PTPRS: variants seen among roughly 807,000 people sequenced by gnomAD.
PTPRS encodes receptor-type tyrosine-protein phosphatase S.
Under a neutral mutation model 215.3 loss-of-function variants are expected in PTPRS, and 63 were observed. The ratio of observed to expected loss-of-function variants is 0.29; its 90% CI spans 0.24 to 0.36. The LOEUF (loss-of-function observed/expected upper bound fraction) is 0.36, where lower values mean the gene tolerates loss of function less well. Among genes scored for constraint, PTPRS ranks in the 10% least tolerant of loss-of-function variants. The pLI, the probability that PTPRS is intolerant of heterozygous loss-of-function variation, is 1.00. For synonymous variants in PTPRS, 1,404 were observed against 1,191.4 expected (o/e 1.18, Z -3.68); for missense variants, 2,258 against 2,825.8 (o/e 0.80, Z 4.56).
rs192315510 is a variant in PTPRS at position 5,205,922 on chromosome 19, C to G, written c.*852G>C. ...GGTCCGAGCTCCCCCATGACCTTAC[C>G]CTCAGAACTGTATTTGATATGTCTG... On this transcript the variant is annotated 3_prime_UTR_variant, in exon 38 of 38. Transcript: ENST00000262963. Among the ~76,000 whole-genome samples, 35 of 151,862 alleles carry G rather than the reference C, an allele frequency of 2.3e-4. 1 individual carries two copies. Among genetic ancestry groups the G allele is most frequent in the Admixed American group, 4.6e-4 (7 of 15,268 alleles).
chr19:5,322,999 A>G (rs1047085244), intron 1 of PTPRS, among the ~76,000 whole-genome samples: 9 of 151,974 alleles, frequency 5.9e-5, no homozygotes, highest in African/African-American at 2.2e-4. Flanking sequence ...GTATGCCTGG[A>G]GCCCTACTGT....
At position 5,237,875 on chromosome 19, in the gene PTPRS, G is replaced by A. The variant is rs1405143931; in HGVS notation, c.1849+1044C>T. 2.0e-5 allele frequency among the ~76,000 whole-genome samples: 3 copies of A among 152,110 alleles called. No homozygotes were observed. Among genetic ancestry groups the A allele is most frequent in the African/African-American group, 4.8e-5 (2 of 41,438 alleles). ...GCGGGGGCAGGGGGGTTGTGTCTCC[G>A]AGGCGCCCCACCCCCCCGATCCCAG... On this transcript the variant is annotated intron_variant, in intron 13 of 37. Coordinates refer to ENST00000262963, the MANE Select transcript of PTPRS (RefSeq NM_002850.4). The surrounding 1 kb of genome is among the most constrained non-coding windows in gnomAD (Gnocchi z 4.2).
chr19:5,303,856 C>T (rs1008492155), intron 1 of PTPRS, among the ~76,000 whole-genome samples: 11 of 147,756 alleles, frequency 7.4e-5, no homozygotes, highest in African/African-American at 2.8e-4. Flanking sequence ...GAGGCTGAGA[C>T]AGGAGAATCG....
intron 1 of PTPRS, among the ~76,000 whole-genome samples, chr19:5,313,633 C>T (rs910205918): frequency 6.6e-6 from 1 of 152,148 alleles, no homozygotes; most frequent in African/African-American, 2.4e-5. Context: ...TCACGACCAT[C>T]AAGGGCAGGC....
chr19:5,221,173 G>A lies in PTPRS; in HGVS notation c.3282C>T (p.Phe1094=), dbSNP rs899943848. ...KLITHLKPHT[F]YNFVLTNRGS... is the part of the protein sequence containing the mutation. ...CGCGATTGGTCAGCACAAAGTTGTA[G>A]AAGGTGTGGGGCTTGAGGTGCGTGA... is the stretch of plus-strand genomic sequence containing the variant. Residue 1094 remains phenylalanine (F), a synonymous_variant, in exon 20 of 38, where the codon TTC becomes TTT. Transcript: ENST00000262963. 1 of 1,613,956 alleles carries A rather than the reference G, an allele frequency of 6.2e-7. No homozygotes were observed. The highest frequency in any genetic ancestry group is 1.3e-5 in the African/African-American group (1 of 74,896).
intron 6 of PTPRS, among the ~76,000 whole-genome samples, chr19:5,261,619 A>G (rs1056398934): frequency 6.6e-6 from 1 of 152,158 alleles, no homozygotes; most frequent in African/African-American, 2.4e-5. Context: ...CAAGACCTCG[A>G]TCTGCCAGGA....
chr19:5,228,347 G>GAAAAA lies in PTPRS; in HGVS notation c.2376+964_2376+968dup, dbSNP rs71170899. Among the ~76,000 whole-genome samples, 7 of 105,876 alleles carry GAAAAA rather than the reference G, an allele frequency of 6.6e-5. 1 individual carries two copies. The highest frequency in any genetic ancestry group is 9.1e-5 in the Admixed American group (1 of 11,022). 69.5% of individuals were successfully genotyped at this position (105,876 alleles called of 152,430 possible). On this transcript the variant is annotated intron_variant, in intron 16 of 37. Transcript: ENST00000262963. ...GCGATAGTGTGAGACTCCGTCTGGA[G>GAAAAA]AAAAAAAAAAAAAAAAGAGACAGGG...
rs936605918 is a variant in PTPRS, at chr19:5,287,145, T to A, written c.-94-911A>T. ...GGAGGTACAGCCAGGCCAGCCAAGC[T>A]CAGTCCCACCTCCAAGCCTTTGCTT... is the stretch of plus-strand genomic sequence containing the variant. On this transcript the variant is annotated intron_variant, in intron 1 of 37. Coordinates refer to ENST00000262963, the MANE Select transcript of PTPRS (RefSeq NM_002850.4). This position sits in a 1 kb window ranked among gnomAD's most constrained non-coding sequence, Gnocchi z 4.8. Among the ~76,000 whole-genome samples the A allele has an allele frequency of 6.6e-6, 1 of 152,024 alleles. No individual in the cohort carries two copies. Among genetic ancestry groups the A allele is most frequent in the Non-Finnish European group, 1.5e-5 (1 of 67,994 alleles).
chr19:5,285,942 G>T, intron 2 of PTPRS, 108 bp downstream of exon 2: 1 of 1,020,838 alleles, frequency 9.8e-7, no homozygotes, highest in Non-Finnish European at 1.4e-6. Flanking sequence ...TTGGCAAAAT[G>T]GAGGGCCCCA....
intron 2 of PTPRS, among the ~76,000 whole-genome samples, chr19:5,281,163 G>T (rs1401667436): frequency 1.3e-5 from 2 of 151,620 alleles, no homozygotes; most frequent in African/African-American, 4.8e-5. Context: ...ATGTTAATGG[G>T]TTCACAGAGC....
rs2045624760 is a variant in PTPRS at position 5,257,224 on chromosome 19, G to A, written c.706+793C>T. Among the ~76,000 whole-genome samples the A allele has an allele frequency of 6.6e-6, 1 of 151,756 alleles. No individual in the cohort carries two copies. Among genetic ancestry groups the A allele is most frequent in the African/African-American group, 2.4e-5 (1 of 41,290 alleles). On this transcript the variant is annotated intron_variant, in intron 8 of 37. Coordinates refer to ENST00000262963, the MANE Select transcript of PTPRS (RefSeq NM_002850.4). The surrounding 1 kb of genome is among the most constrained non-coding windows in gnomAD (Gnocchi z 4.4). The stretch of plus-strand genomic sequence containing the variant: ...TGAGGCAGCACCAAGGGACCCACAA[G>A]GAAGTAAGCTTCCTTGGGGCAGGGG...
rs146944477 is a variant in PTPRS at position 5,272,072 on chromosome 19, C to T, written c.379+1370G>A. 3.2e-3 allele frequency among the ~76,000 whole-genome samples: 492 copies of T among 152,136 alleles called. 1 individual carries two copies. The highest frequency in any genetic ancestry group is 5.0e-3 in the Non-Finnish European group (342 of 67,996). Reference sequence around the variant, plus strand: ...ATTGCAGCTCAGACAAGTTCATTAACCTGCCCTAGGTCACACAGCAACCAA... The same window carrying T: ...ATTGCAGCTCAGACAAGTTCATTAATCTGCCCTAGGTCACACAGCAACCAA... On this transcript the variant is annotated intron_variant, in intron 4 of 37. Coordinates refer to ENST00000262963, the MANE Select transcript of PTPRS (RefSeq NM_002850.4).
At chr19:5,291,416 C>T (rs549006406) in intron 1 of PTPRS, among the ~76,000 whole-genome samples, 12 of 152,188 alleles carry the variant, frequency 7.9e-5, no homozygotes, top group African/African-American at 1.9e-4. Flanking sequence ...ATCCTCTGGG[C>T]GCCCAGGCTG....
At chr19:5,255,866 G>A (rs532676256) in intron 9 of PTPRS, among the ~76,000 whole-genome samples, 1 of 152,226 alleles carries the variant, frequency 6.6e-6, no homozygotes, top group Non-Finnish European at 1.5e-5. Flanking sequence ...CGGGCTGGGC[G>A]CGGCTGAGAT....
chr19:5,250,476 G>A (rs1300782968), intron 9 of PTPRS, among the ~76,000 whole-genome samples: 2 of 152,130 alleles, frequency 1.3e-5, no homozygotes, highest in Non-Finnish European at 2.9e-5. Context: ...GAGGCCCCGC[G>A]GGACCCCCGC....
chr19:5,245,837 G>A lies in PTPRS; in HGVS notation c.927C>T (p.Tyr309=), dbSNP rs776658777. The A allele has an allele frequency of 6.2e-6, 10 of 1,613,770 alleles. No homozygotes were observed. Among genetic ancestry groups the A allele is most frequent in the East Asian group, 2.2e-5 (1 of 44,864 alleles). Residue 309 remains tyrosine (Y), a synonymous_variant, in exon 10 of 38, where the codon TAC becomes TAT. Coordinates refer to ENST00000262963, the MANE Select transcript of PTPRS (RefSeq NM_002850.4). The stretch of plus-strand genomic sequence containing the variant: ...CCAGGCTGGACATGGCCACGCAGGT[G>A]TAGTTGGCCGAGTCCTTGACATCTG... ...ELTDVKDSAN[Y]TCVAMSSLGV...
chr19:5,211,381 C>A (rs573122978), intron 33 of PTPRS, among the ~76,000 whole-genome samples: 24 of 152,310 alleles, frequency 1.6e-4, no homozygotes, highest in Admixed American at 2.6e-4. Flanking sequence ...CAGATGGAAT[C>A]ACATTATGGA....
At chr19:5,303,180 C>G (rs2049359206) in intron 1 of PTPRS, among the ~76,000 whole-genome samples, 1 of 152,204 alleles carries the variant, frequency 6.6e-6, no homozygotes, top group African/African-American at 2.4e-5. Flanking sequence ...CTGAACCAGT[C>G]CTCACCACTC....
At chr19:5,209,760 C>T (rs920272882) in intron 35 of PTPRS, among the ~76,000 whole-genome samples, 2 of 152,178 alleles carry the variant, frequency 1.3e-5, no homozygotes, top group Non-Finnish European at 2.9e-5. Context: ...GAATGTTCTT[C>T]TCTCCAATTC....
Sources: gnomAD v4.1 joint callset for allele counts (sites outside exome capture counted in the v4.1 genomes callset) on GRCh38, gnomAD v4.1.1 for gene constraint, Gnocchi (gnomAD v3.1) non-coding constraint, MANE v1.5 for transcripts, NCBI Gene and HGNC (gene_info 2026-07-23, HGNC 2026-07-21) for gene names.